ADK: variants seen among roughly 807,000 people sequenced by gnomAD.
ADK encodes the protein adenosine kinase.
In ADK, 24 loss-of-function variants were observed where a neutral mutation model predicts 44.7. The ratio of observed to expected loss-of-function variants is 0.54; its 90% CI spans 0.39 to 0.76. The LOEUF is 0.76. Among genes scored for constraint, ADK ranks in the 30% least tolerant of loss-of-function variants. ADK has a pLI of 0.00. For missense variants in ADK, 321 were observed against 425.1 expected, an observed-to-expected ratio of 0.76 and a Z score of 2.15; for synonymous variants, 128 against 142.6, an observed-to-expected ratio of 0.90 and a Z score of 0.73.
chr10:74,557,683 T>C (rs1422632205), intron 7 of ADK, among the ~76,000 whole-genome samples: 1 of 152,210 alleles, frequency 6.6e-6, no homozygotes, highest in Non-Finnish European at 1.5e-5. Context: ...CAGCTCATGC[T>C]TAAGACCCAA....
intron 1 of ADK, among the ~76,000 whole-genome samples, chr10:74,175,406 C>G (rs1402581107): frequency 6.7e-6 from 1 of 150,182 alleles, no homozygotes; most frequent in Non-Finnish European, 1.5e-5. Context: ...TGTAGTCCAA[C>G]TAAAACAATA....
intron 7 of ADK, among the ~76,000 whole-genome samples, chr10:74,582,383 T>C (rs1022521964): frequency 3.9e-5 from 6 of 152,192 alleles, no homozygotes; most frequent in Non-Finnish European, 5.9e-5. Context: ...ATTTTTCTTA[T>C]GCTAGCCTCT....
At chr10:74,586,868 A>AAATATATAT (rs1554884773) in intron 7 of ADK, among the ~76,000 whole-genome samples, 4 of 150,590 alleles carry the variant, frequency 2.7e-5, no homozygotes, top group African/African-American at 9.9e-5. Flanking sequence ...AAAAAAAAAA[A>AAATATATAT]ATATATATGT....
At chr10:74,647,256 A>G (rs1336939740) in intron 9 of ADK, among the ~76,000 whole-genome samples, 2 of 152,208 alleles carry the variant, frequency 1.3e-5, no homozygotes, top group African/African-American at 4.8e-5. Context: ...CCCACAGTAT[A>G]GTATCCACAG....
At chr10:74,456,598 C>T (rs1292420630) in intron 6 of ADK, among the ~76,000 whole-genome samples, 6 of 130,626 alleles carry the variant, frequency 4.6e-5, no homozygotes, top group African/African-American at 8.7e-5. Context: ...ACCCGGGAGG[C>T]GGAGCTTGCA....
intron 9 of ADK, among the ~76,000 whole-genome samples, chr10:74,614,760 T>C (rs1040869823): frequency 6.6e-6 from 1 of 152,148 alleles, no homozygotes; most frequent in African/African-American, 2.4e-5. Flanking sequence ...ATCAACTATT[T>C]CTCCAAGGAA....
chr10:74,492,055 G>A (rs928470391), intron 6 of ADK, among the ~76,000 whole-genome samples: 2 of 152,128 alleles, frequency 1.3e-5, no homozygotes, highest in African/African-American at 4.8e-5. Context: ...TGTATGTAGA[G>A]TTTTTTTCCT....
At chr10:74,346,668 C>G (rs1002691777) in intron 4 of ADK, among the ~76,000 whole-genome samples, 1 of 152,040 alleles carries the variant, frequency 6.6e-6, no homozygotes, top group Non-Finnish European at 1.5e-5. Flanking sequence ...TTTCCCCTTG[C>G]ACTTACAGGC....
chr10:74,475,760 G>GAAGAAAAGAGAGAGAGGGAGAAAGAGA (rs1846811768), intron 6 of ADK, among the ~76,000 whole-genome samples: 2 of 139,736 alleles, frequency 1.4e-5, no homozygotes, highest in African/African-American at 2.6e-5. Flanking sequence ...AGAAATAAAA[G>GAAGAAAAGAGAGAGAGGGAGAAAGAGA]AAGAAAAGAG....
At chr10:74,312,864 T>C (rs1260782559) in intron 3 of ADK, among the ~76,000 whole-genome samples, 3 of 124,000 alleles carry the variant, frequency 2.4e-5, no homozygotes, top group South Asian at 2.6e-4. Flanking sequence ...CATTGAGCTA[T>C]GTTTGCACCA....
intron 3 of ADK, among the ~76,000 whole-genome samples, chr10:74,314,005 C>G (rs190401262): frequency 7.1e-6 from 1 of 141,378 alleles, no homozygotes; most frequent in African/African-American, 2.5e-5. Context: ...GTGTCATTCT[C>G]TAGCTGCATC....
At chr10:74,587,354 A>G (rs1227412764) in intron 7 of ADK, among the ~76,000 whole-genome samples, 1 of 152,224 alleles carries the variant, frequency 6.6e-6, no homozygotes, top group Non-Finnish European at 1.5e-5. Context: ...ACTAAGGGTA[A>G]CTTGGTCAGG....
chr10:74,370,377 A>G (rs1048039531), intron 4 of ADK, among the ~76,000 whole-genome samples: 2 of 152,212 alleles, frequency 1.3e-5, no homozygotes, highest in South Asian at 2.1e-4. Flanking sequence ...AGATGAATCC[A>G]TCTCTAAAAA....
chr10:74,516,938 C>A, intron 6 of ADK: 1 of 166,522 alleles, frequency 6.0e-6, no homozygotes, highest in Non-Finnish European at 1.2e-5. Flanking sequence ...ACTTACAGGT[C>A]CACATGGCTT....
intron 9 of ADK, among the ~76,000 whole-genome samples, chr10:74,628,398 G>T (rs1459237284): frequency 6.6e-6 from 1 of 151,994 alleles, no homozygotes; most frequent in East Asian, 2.0e-4. Context: ...ATGGAAATTA[G>T]ATTAATGGTC....
intron 6 of ADK, among the ~76,000 whole-genome samples, chr10:74,475,131 C>CA (rs974192526): frequency 9.9e-5 from 15 of 151,194 alleles, no homozygotes; most frequent in African/African-American, 3.6e-4. Context: ...CTCAAAAAAA[C>CA]AAAAAACAAA....
At chr10:74,540,107 A>G (rs1040838755) in intron 7 of ADK, among the ~76,000 whole-genome samples, 17 of 152,196 alleles carry the variant, frequency 1.1e-4, no homozygotes, top group Non-Finnish European at 2.2e-4. Flanking sequence ...TCTAACATCC[A>G]TCACTGGTAA....
intron 3 of ADK, among the ~76,000 whole-genome samples, chr10:74,255,774 A>C (rs1252338371): frequency 1.3e-5 from 2 of 152,240 alleles, no homozygotes; most frequent in Non-Finnish European, 2.9e-5. Context: ...TTTTGCAGTT[A>C]TCTCTCCATG....
chr10:74,583,902 T>C (rs557121939), intron 7 of ADK, among the ~76,000 whole-genome samples: 1 of 152,248 alleles, frequency 6.6e-6, no homozygotes, highest in Non-Finnish European at 1.5e-5. Context: ...TCATGTCCGG[T>C]CACAGCCCTC....
Sources: allele counts gnomAD v4.1 joint callset (sites outside exome capture counted in the v4.1 genomes callset), GRCh38; gene constraint gnomAD v4.1.1; transcripts MANE v1.5; gene names NCBI Gene and HGNC (gene_info 2026-07-23, HGNC 2026-07-21).